Variants in FHIT observed in about 807,000 individuals in gnomAD.
FHIT encodes the protein fragile histidine triad diadenosine triphosphatase.
In FHIT, 19 loss-of-function variants were observed where a neutral mutation model predicts 17.9. The ratio of observed to expected loss-of-function variants is 1.06; its 90% CI spans 0.74 to 1.56. The LOEUF is 1.56. FHIT is among the 40% of genes most tolerant of loss of function. The pLI is 0.00. For synonymous variants in FHIT, 81 were observed against 69.7 expected (o/e 1.16, Z -0.81); for missense variants, 248 against 189.2 (o/e 1.31, Z -1.82).
chr3:61,070,120 C>G (rs2106735698), intron 2 of FHIT, among the ~76,000 whole-genome samples: 1 of 152,236 alleles, frequency 6.6e-6, no homozygotes, highest in East Asian at 1.9e-4. Flanking sequence ...TCTCAAACTC[C>G]TGACCTCAAA....
At chr3:60,939,532 G>A (rs1212678501) in intron 3 of FHIT, among the ~76,000 whole-genome samples, 1 of 151,912 alleles carries the variant, frequency 6.6e-6, no homozygotes, top group Non-Finnish European at 1.5e-5. Flanking sequence ...AAAATTCACC[G>A]TGACTACAAG....
At chr3:60,869,131 T>C (rs1275548162) in intron 3 of FHIT, among the ~76,000 whole-genome samples, 1 of 152,122 alleles carries the variant, frequency 6.6e-6, no homozygotes, top group Non-Finnish European at 1.5e-5. Context: ...GATTTTGAAA[T>C]ACCCCTAACA....
chr3:59,858,183 T>A (rs1702251379), intron 8 of FHIT, among the ~76,000 whole-genome samples: 1 of 151,074 alleles, frequency 6.6e-6, no homozygotes, highest in South Asian at 2.1e-4. Context: ...GTTTCCCACA[T>A]CATCTATCAG....
chr3:60,825,600 C>T (rs1436426840), intron 3 of FHIT, among the ~76,000 whole-genome samples: 1 of 152,052 alleles, frequency 6.6e-6, no homozygotes, highest in African/African-American at 2.4e-5. Flanking sequence ...GTCAGATCAG[C>T]AGGGACATTA....
chr3:61,100,240 G>GTCCCC (rs2035774839), intron 2 of FHIT, among the ~76,000 whole-genome samples: 2 of 152,110 alleles, frequency 1.3e-5, no homozygotes, highest in African/African-American at 2.4e-5. Flanking sequence ...GACCCAGTGT[G>GTCCCC]TGATGTTCCC....
intron 4 of FHIT, among the ~76,000 whole-genome samples, chr3:60,619,315 T>C (rs115082618): frequency 6.6e-6 from 1 of 152,172 alleles, no homozygotes; most frequent in Non-Finnish European, 1.5e-5. Flanking sequence ...GCCTAATAAA[T>C]ACAAAGAAAA....
intron 5 of FHIT, among the ~76,000 whole-genome samples, chr3:60,260,248 A>G (rs1199653208): frequency 6.6e-6 from 1 of 152,010 alleles, no homozygotes; most frequent in Non-Finnish European, 1.5e-5. Context: ...TGTACCAATT[A>G]AGTATGATGA....
intron 5 of FHIT, among the ~76,000 whole-genome samples, chr3:60,470,269 C>A (rs2033022189): frequency 6.6e-6 from 1 of 152,044 alleles, no homozygotes; most frequent in Non-Finnish European, 1.5e-5. Flanking sequence ...TATGGGAAAT[C>A]CTGCCAGGCT....
chr3:60,029,105 T>G (rs2106773790), intron 5 of FHIT, among the ~76,000 whole-genome samples: 1 of 152,354 alleles, frequency 6.6e-6, no homozygotes, highest in Admixed American at 6.5e-5. Context: ...TACAGTGTAC[T>G]AAATTAGTAT....
chr3:60,065,117 A>C (rs752844554), intron 5 of FHIT, among the ~76,000 whole-genome samples: 3 of 152,162 alleles, frequency 2.0e-5, no homozygotes, highest in Non-Finnish European at 4.4e-5. Flanking sequence ...CAACTCACAA[A>C]AAGAGAAGAC....
At chr3:59,970,919 T>TAAA (rs34034432) in intron 7 of FHIT, among the ~76,000 whole-genome samples, 1 of 145,550 alleles carries the variant, frequency 6.9e-6, no homozygotes, top group Non-Finnish European at 1.5e-5. Flanking sequence ...AAGCAGGGAT[T>TAAA]AAAAAAAAAA....
At chr3:59,773,165 C>T (rs1362442994) in intron 8 of FHIT, among the ~76,000 whole-genome samples, 1 of 152,170 alleles carries the variant, frequency 6.6e-6, no homozygotes, top group East Asian at 1.9e-4. Flanking sequence ...TCTTCATTCT[C>T]ACACAGTCAA....
intron 5 of FHIT, among the ~76,000 whole-genome samples, chr3:60,045,327 A>C (rs1246381022): frequency 6.6e-6 from 1 of 152,118 alleles, no homozygotes; most frequent in Non-Finnish European, 1.5e-5. Flanking sequence ...ATGGCTGGGG[A>C]GGCCTCACAA....
intron 5 of FHIT, among the ~76,000 whole-genome samples, chr3:60,137,426 A>G (rs1019285876): frequency 2.6e-5 from 4 of 152,212 alleles, no homozygotes; most frequent in Non-Finnish European, 5.9e-5. Context: ...ACTTTAGAAA[A>G]CTAACAATTA....
intron 1 of FHIT, among the ~76,000 whole-genome samples, chr3:61,231,135 C>G (rs2040089430): frequency 1.3e-5 from 2 of 150,854 alleles, no homozygotes; most frequent in Non-Finnish European, 3.0e-5. Context: ...AGGCATGAAT[C>G]TCTCTATACT....
At chr3:60,439,257 C>T (rs2030574498) in intron 5 of FHIT, among the ~76,000 whole-genome samples, 1 of 152,020 alleles carries the variant, frequency 6.6e-6, no homozygotes, top group African/African-American at 2.4e-5. Flanking sequence ...AGGTCTAGAA[C>T]CAAGAATTAC....
intron 2 of FHIT, among the ~76,000 whole-genome samples, chr3:61,095,985 T>A (rs2035626126): frequency 6.6e-6 from 1 of 152,200 alleles, no homozygotes; most frequent in Non-Finnish European, 1.5e-5. Context: ...TACCCTAGAA[T>A]AGTAGTGAAG....
At chr3:60,073,092 T>C (rs1421847222) in intron 5 of FHIT, among the ~76,000 whole-genome samples, 1 of 152,228 alleles carries the variant, frequency 6.6e-6, no homozygotes, top group Non-Finnish European at 1.5e-5. Context: ...TTTCTGCAGG[T>C]GTGAGTAATT....
At chr3:60,294,509 G>C (rs1372158082) in intron 5 of FHIT, among the ~76,000 whole-genome samples, 2 of 152,084 alleles carry the variant, frequency 1.3e-5, no homozygotes, top group Admixed American at 6.6e-5. Flanking sequence ...ACACCAAGAG[G>C]CATGAATTTA....
Sources: gnomAD v4.1 joint callset for allele counts (sites outside exome capture counted in the v4.1 genomes callset) on GRCh38, gnomAD v4.1.1 for gene constraint, MANE v1.5 for transcripts, NCBI Gene and HGNC (gene_info 2026-07-23, HGNC 2026-07-21) for gene names.